Variants in SRPK2 observed in about 807,000 individuals in gnomAD.
SRPK2 encodes SRSF protein kinase 2, also known as SFRS protein kinase 2.
SRPK2 carries 21 observed loss-of-function variants against 90.8 expected under a neutral mutation model. That is an observed-to-expected ratio of 0.23 (90% CI 0.16 to 0.33). SRPK2 has a LOEUF of 0.33. Ranked by LOEUF, SRPK2 falls within the 10% of genes least tolerant of loss-of-function variation. SRPK2 has a pLI of 1.00. For synonymous variants in SRPK2, 288 were observed against 311.1 expected (o/e 0.93, Z 0.78); for missense variants, 620 against 869.0 (o/e 0.71, Z 3.60).
intron 3 of SRPK2, among the ~76,000 whole-genome samples, chr7:105,171,193 G>A (rs1272293849): frequency 6.6e-6 from 1 of 152,090 alleles, no homozygotes; most frequent in Non-Finnish European, 1.5e-5. Flanking sequence ...GGCATGAGAA[G>A]TTCTTCACTT....
chr7:105,332,441 G>A (rs1814534001), intron 2 of SRPK2, among the ~76,000 whole-genome samples: 1 of 151,994 alleles, frequency 6.6e-6, no homozygotes, highest in Non-Finnish European at 1.5e-5. Context: ...TCCACAGGAG[G>A]AGAAAACAGT....
At chr7:105,244,739 C>A in intron 2 of SRPK2, 1 of 1,107,776 alleles carries the variant, frequency 9.0e-7, no homozygotes, top group African/African-American at 1.5e-5. Flanking sequence ...CAGCCGCCGC[C>A]GCGGGCGTCT....
At chr7:105,269,024 A>G in intron 2 of SRPK2, 1 of 1,329,944 alleles carries the variant, frequency 7.5e-7, no homozygotes, top group Non-Finnish European at 9.7e-7. Flanking sequence ...GGTGCTATAA[A>G]GGGAAAAAGC....
intron 6 of SRPK2, among the ~76,000 whole-genome samples, chr7:105,160,937 T>A (rs1807525050): frequency 6.6e-6 from 1 of 152,062 alleles, no homozygotes; most frequent in East Asian, 1.9e-4. Flanking sequence ...ACTTTATTTT[T>A]ATTTTTTTTT....
chr7:105,359,150 C>CTTTTTTTT lies in SRPK2; in HGVS notation c.71+29490_71+29497dup, dbSNP rs35765090. 2.2e-4 allele frequency among the ~76,000 whole-genome samples: 12 copies of CTTTTTTTT among 54,832 alleles called. 1 individual carries two copies. In the South Asian group the frequency reaches 3.3e-3, roughly 15 times the overall value. 36.0% of individuals were successfully genotyped at this position (54,832 alleles called of 152,430 possible). On this transcript the variant is annotated intron_variant, in intron 2 of 15. Transcript: ENST00000393651. Reference sequence around the variant, plus strand: ...CAAACAAACCATATCCAAACCACAGCTTTTTTTTTTTTTTTTTTTTTTTTT... The same window carrying CTTTTTTTT: ...CAAACAAACCATATCCAAACCACAGCTTTTTTTTTTTTTTTTTTTTTTTTTTTTTTTTT...
chr7:105,137,639 G>C (rs888247127), intron 11 of SRPK2, among the ~76,000 whole-genome samples: 1 of 152,170 alleles, frequency 6.6e-6, no homozygotes, highest in African/African-American at 2.4e-5. Context: ...ACACACTAAG[G>C]CTCTGGCAGC....
intron 11 of SRPK2, among the ~76,000 whole-genome samples, chr7:105,138,703 G>A (rs530875265): frequency 6.6e-6 from 1 of 152,286 alleles, no homozygotes; most frequent in East Asian, 1.9e-4. Flanking sequence ...TGGGGGCTGA[G>A]GTGGGAGGAT....
intron 8 of SRPK2, among the ~76,000 whole-genome samples, chr7:105,145,848 G>A (rs1804538972): frequency 6.6e-6 from 1 of 152,178 alleles, no homozygotes; most frequent in African/African-American, 2.4e-5. Flanking sequence ...CCTGATGGCA[G>A]TAAAGGAGAT....
intron 2 of SRPK2, among the ~76,000 whole-genome samples, chr7:105,342,790 G>A (rs1475345979): frequency 6.6e-6 from 1 of 152,120 alleles, no homozygotes; most frequent in Non-Finnish European, 1.5e-5. Context: ...ATTTGACCTG[G>A]ATAGGGAAAA....
chr7:105,227,351 C>G (rs1353976073), intron 2 of SRPK2, among the ~76,000 whole-genome samples: 4 of 152,092 alleles, frequency 2.6e-5, no homozygotes, highest in Non-Finnish European at 4.4e-5. Context: ...CACTCTTCCC[C>G]TAAGTCCCCA....
chr7:105,269,920 T>C (rs1255348305), intron 2 of SRPK2, among the ~76,000 whole-genome samples: 1 of 152,178 alleles, frequency 6.6e-6, no homozygotes, highest in Non-Finnish European at 1.5e-5. Flanking sequence ...AAAAATAAAT[T>C]AGTGCCAATA....
intron 15 of SRPK2, among the ~76,000 whole-genome samples, chr7:105,125,385 T>C (rs1801044107): frequency 6.6e-6 from 1 of 152,096 alleles, no homozygotes; most frequent in Admixed American, 6.6e-5. Flanking sequence ...ACTACAGAAA[T>C]AACCCAGGCA....
In SRPK2 at chr7:105,126,324, G is replaced by T. The variant is rs777538690; in HGVS notation, c.1839C>A (p.Ile613=). The change falls in exon 15 of 16, where the codon ATC becomes ATA. Residue 613 remains isoleucine, a synonymous_variant. Coordinates refer to ENST00000393651, the MANE Select transcript of SRPK2 (RefSeq NM_182692.3). ...YSRDEDHIAH[I]IELLGSIPRH... is the part of the protein sequence containing the mutation. ...TTGGAATACTGCCTAGCAGCTCTAT[G>T]ATGTGGGCTATGTGGTCTATGGAGG... 1.2e-6 allele frequency: 2 copies of T among 1,613,922 alleles called. No individual in the cohort carries two copies. The highest frequency in any genetic ancestry group is 1.7e-6 in the Non-Finnish European group (2 of 1,179,792).
At chr7:105,151,133 C>T (rs780544499) in intron 7 of SRPK2, among the ~76,000 whole-genome samples, 1 of 152,164 alleles carries the variant, frequency 6.6e-6, no homozygotes, top group Non-Finnish European at 1.5e-5. Context: ...CTCAACTAGG[C>T]TAACTTTCCT....
At chr7:105,213,783 A>C (rs1797131063) in intron 2 of SRPK2, among the ~76,000 whole-genome samples, 1 of 152,320 alleles carries the variant, frequency 6.6e-6, no homozygotes, top group Non-Finnish European at 1.5e-5. Context: ...CTGTTTACTA[A>C]GACTTATATT....
intron 2 of SRPK2, among the ~76,000 whole-genome samples, chr7:105,266,067 C>T (rs562162316): frequency 6.6e-6 from 1 of 152,284 alleles, no homozygotes; most frequent in Non-Finnish European, 1.5e-5. Context: ...CAGACTTCCA[C>T]TGTTCCTTTA....
chr7:105,209,530 C>A (rs1002139698), intron 2 of SRPK2, among the ~76,000 whole-genome samples: 2 of 150,362 alleles, frequency 1.3e-5, no homozygotes, highest in Non-Finnish European at 1.5e-5. Flanking sequence ...AGAGTGAGAC[C>A]CTGTCTCAGG....
At chr7:105,285,600 T>G (rs1001456648) in intron 2 of SRPK2, among the ~76,000 whole-genome samples, 4 of 152,172 alleles carry the variant, frequency 2.6e-5, no homozygotes, top group Non-Finnish European at 5.9e-5. Context: ...TCACGGGGAC[T>G]GGGATGGATC....
chr7:105,193,089 G>C (rs1794505204), intron 3 of SRPK2, among the ~76,000 whole-genome samples: 1 of 152,152 alleles, frequency 6.6e-6, no homozygotes, highest in Non-Finnish European at 1.5e-5. Flanking sequence ...TTTGCATTTA[G>C]GTTCTTGATC....
Sources: gnomAD v4.1 joint callset for allele counts (sites outside exome capture counted in the v4.1 genomes callset) on GRCh38, gnomAD v4.1.1 for gene constraint, MANE v1.5 for transcripts, NCBI Gene and HGNC (gene_info 2026-07-23, HGNC 2026-07-21) for gene names.